Variants in MRPS28 observed in about 807,000 individuals in gnomAD.
MRPS28 encodes mitochondrial ribosomal protein S28.
Under a neutral mutation model 10.8 loss-of-function variants are expected in MRPS28, and 7 were observed. That is an observed-to-expected ratio of 0.65 (90% CI 0.37 to 1.22). The LOEUF is 1.22. MRPS28 is among the 50% of genes most tolerant of loss of function. The pLI is 0.02. For synonymous variants in MRPS28, 121 were observed against 93.3 expected, an observed-to-expected ratio of 1.30 and a Z score of -1.71; for missense variants, 265 against 232.9, an observed-to-expected ratio of 1.14 and a Z score of -0.90.
At chr8:79,944,309 G>A (rs1806844398) in intron 2 of MRPS28, among the ~76,000 whole-genome samples, 1 of 152,206 alleles carries the variant, frequency 6.6e-6, no homozygotes, top group African/African-American at 2.4e-5. Context: ...TGCAGGCTAT[G>A]AAGGAAGCAG....
rs181881304 is a variant in MRPS28 at position 79,965,541 on chromosome 8, T to C, written c.395+37458A>G. Among the ~76,000 whole-genome samples, 322 of 152,172 alleles carry C rather than the reference T, an allele frequency of 2.1e-3. 6 individuals are homozygous for C. Among genetic ancestry groups the C allele is most frequent in the Non-Finnish European group, 2.8e-4 (19 of 67,926 alleles). ...ATGATATGCTTAAGGTACGTCCTTTTATCCTTTTTGAATAGGCTGGGGCTG... is the reference window on the plus strand; with the variant it reads ...ATGATATGCTTAAGGTACGTCCTTTCATCCTTTTTGAATAGGCTGGGGCTG... On this transcript the variant is annotated intron_variant, in intron 2 of 2. Coordinates refer to ENST00000276585, the MANE Select transcript of MRPS28 (RefSeq NM_014018.3).
intron 1 of MRPS28, among the ~76,000 whole-genome samples, chr8:80,024,397 C>A (rs1396498644): frequency 1.3e-5 from 2 of 152,148 alleles, no homozygotes; most frequent in East Asian, 3.8e-4. Flanking sequence ...AATGGCATTA[C>A]ACTTAATGCC....
intron 2 of MRPS28, among the ~76,000 whole-genome samples, chr8:79,929,906 CA>C (rs1806411457): frequency 6.6e-6 from 1 of 152,040 alleles, no homozygotes; most frequent in Non-Finnish European, 1.5e-5. Context: ...CACCAGAAAG[CA>C]TGAAAGCTGG....
intron 1 of MRPS28, among the ~76,000 whole-genome samples, chr8:80,006,268 T>C (rs1808841148): frequency 2.0e-5 from 3 of 152,078 alleles, no homozygotes; most frequent in Admixed American, 2.0e-4. Context: ...AAAAAAGAAA[T>C]GATAACAAAC....
rs968708970 is a variant in MRPS28, at chr8:79,975,556, C to G, written c.395+27443G>C. 5.3e-5 allele frequency among the ~76,000 whole-genome samples: 8 copies of G among 151,794 alleles called. No homozygotes were observed. The South Asian group carries it at 1.7e-3, about 32-fold the overall frequency. On this transcript the variant is annotated intron_variant, in intron 2 of 2. Transcript: ENST00000276585. ...TAAACTAACAAGAAAGTGATAAATA[C>G]AAAAGACTAATGAGCAACCAGAACA...
chr8:80,003,586 TG>T (rs1252780210), intron 1 of MRPS28, among the ~76,000 whole-genome samples: 2 of 151,942 alleles, frequency 1.3e-5, no homozygotes, highest in African/African-American at 4.8e-5. Flanking sequence ...AGAAGACAGG[TG>T]ATTTCTGCAT....
chr8:80,002,156 C>T (rs1207909458), intron 2 of MRPS28, among the ~76,000 whole-genome samples: 1 of 152,068 alleles, frequency 6.6e-6, no homozygotes, highest in Non-Finnish European at 1.5e-5. Context: ...CATAATTGCT[C>T]TCCTAGGTCT....
chr8:79,923,270 T>C (rs761069207), intron 2 of MRPS28, among the ~76,000 whole-genome samples: 1 of 152,170 alleles, frequency 6.6e-6, no homozygotes, highest in Admixed American at 6.5e-5. Flanking sequence ...CACACAGTGG[T>C]GTAAGAGGAT....
chr8:79,947,153 T>C (rs1806940041), intron 2 of MRPS28, among the ~76,000 whole-genome samples: 2 of 152,074 alleles, frequency 1.3e-5, no homozygotes, highest in African/African-American at 2.4e-5. Flanking sequence ...AAAATTAGTA[T>C]GAAGATGCAG....
At chr8:79,947,311 A>G (rs769741139) in intron 2 of MRPS28, among the ~76,000 whole-genome samples, 1 of 152,230 alleles carries the variant, frequency 6.6e-6, no homozygotes, top group African/African-American at 2.4e-5. Context: ...CCATATGCCA[A>G]TACCATACTG....
At chr8:79,948,910 G>A (rs1045462492) in intron 2 of MRPS28, among the ~76,000 whole-genome samples, 1 of 151,852 alleles carries the variant, frequency 6.6e-6, no homozygotes, top group Non-Finnish European at 1.5e-5. Context: ...AAGGTGTATT[G>A]GTCTACAGCT....
intron 2 of MRPS28, among the ~76,000 whole-genome samples, chr8:79,928,334 T>C (rs759899403): frequency 4.6e-5 from 7 of 151,864 alleles, no homozygotes; most frequent in Non-Finnish European, 8.8e-5. Context: ...CTGTCTAAAA[T>C]TAAATTAAAT....
intron 1 of MRPS28, among the ~76,000 whole-genome samples, chr8:80,025,041 C>T (rs1057427465): frequency 6.6e-6 from 1 of 152,152 alleles, no homozygotes; most frequent in African/African-American, 2.4e-5. Context: ...GTTTAGGGAA[C>T]AGCAAAATTC....
At chr8:79,972,724 C>T (rs1807668305) in intron 2 of MRPS28, among the ~76,000 whole-genome samples, 1 of 152,196 alleles carries the variant, frequency 6.6e-6, no homozygotes, top group African/African-American at 2.4e-5. Context: ...AAACCACATA[C>T]TATCACTACA....
chr8:79,920,296 G>A (rs1319234365), intron 2 of MRPS28, among the ~76,000 whole-genome samples: 1 of 152,074 alleles, frequency 6.6e-6, no homozygotes, highest in Non-Finnish European at 1.5e-5. Context: ...AATCCTTTGG[G>A]TATATACCCA....
At chr8:79,961,652 CA>C (rs1045077229) in intron 2 of MRPS28, among the ~76,000 whole-genome samples, 2 of 152,104 alleles carry the variant, frequency 1.3e-5, no homozygotes, top group African/African-American at 2.4e-5. Context: ...ATGGCCAAAA[CA>C]AAAGAGTGGC....
intron 2 of MRPS28, among the ~76,000 whole-genome samples, chr8:79,993,332 G>C (rs547863610): frequency 6.6e-6 from 1 of 152,256 alleles, no homozygotes; most frequent in Admixed American, 6.5e-5. Flanking sequence ...ACTTCCTAGA[G>C]ATGTAAATTT....
At chr8:80,007,171 C>T (rs1205106287) in intron 1 of MRPS28, among the ~76,000 whole-genome samples, 1 of 152,110 alleles carries the variant, frequency 6.6e-6, no homozygotes, top group East Asian at 1.9e-4. Context: ...AGACAAAAAC[C>T]ACTTGATTAT....
At chr8:79,948,670 T>C (rs1327480837) in intron 2 of MRPS28, among the ~76,000 whole-genome samples, 1 of 152,234 alleles carries the variant, frequency 6.6e-6, no homozygotes, top group Non-Finnish European at 1.5e-5. Context: ...CTGAATTGTT[T>C]CTCATGAATG....
Sources: gnomAD v4.1 joint callset for allele counts (sites outside exome capture counted in the v4.1 genomes callset) on GRCh38, gnomAD v4.1.1 for gene constraint, MANE v1.5 for transcripts, NCBI Gene and HGNC (gene_info 2026-07-23, HGNC 2026-07-21) for gene names.